SGCD: variants seen among roughly 807,000 people sequenced by gnomAD.
The protein encoded by SGCD is delta-sarcoglycan.
SGCD carries 18 observed loss-of-function variants against 36.6 expected under a neutral mutation model. The observed-to-expected ratio is 0.49, with a 90% CI of 0.34 to 0.73. SGCD has a LOEUF of 0.73. Ranked by LOEUF, SGCD falls within the 30% of genes least tolerant of loss-of-function variation. The pLI is 0.01. For synonymous variants in SGCD, 133 were observed against 130.6 expected, an observed-to-expected ratio of 1.02 and a Z score of -0.12; for missense variants, 387 against 346.7, an observed-to-expected ratio of 1.12 and a Z score of -0.92.
At chr5:156,116,690 C>G (rs1405745458) in intron 1 of SGCD, among the ~76,000 whole-genome samples, 1 of 152,156 alleles carries the variant, frequency 6.6e-6, no homozygotes, top group Non-Finnish European at 1.5e-5. Context: ...AATCCATGCT[C>G]TATAATGTTA....
chr5:156,550,029 A>G (rs1758727028), intron 4 of SGCD, among the ~76,000 whole-genome samples: 1 of 152,220 alleles, frequency 6.6e-6, no homozygotes, highest in Non-Finnish European at 1.5e-5. Context: ...TACCATTATT[A>G]TACCAGTTTC....
chr5:156,329,461 G>T (rs1767964044), intron 1 of SGCD, 73 bp from the exon 2 acceptor site: 2 of 1,029,328 alleles, frequency 1.9e-6, no homozygotes, highest in South Asian at 2.7e-5. Flanking sequence ...ATTGCCTGAG[G>T]GTTCAGATTT....
In SGCD at chr5:156,595,172, C is replaced by T. The variant is rs935588392; in HGVS notation, c.502+121C>T. 8 of 1,189,198 alleles carry T rather than the reference C, an allele frequency of 6.7e-6. No individual in the cohort carries two copies. The East Asian group carries it at 1.8e-4, about 27-fold the overall frequency. The allele number at this position is 1,189,198 out of a possible 1,614,324, so 73.7% of individuals were successfully genotyped here. ...AATTCATATATCGAAATCCTAACTC[C>T]CAAGATAATGGTATTAGGAGGTGGA... On this transcript the variant is annotated intron_variant, in intron 6 of 8. Coordinates refer to ENST00000337851, the MANE Select transcript of SGCD (RefSeq NM_000337.6).
At chr5:156,236,836 G>A (rs1014079147) in intron 3 of SGCD, among the ~76,000 whole-genome samples, 1 of 150,160 alleles carries the variant, frequency 6.7e-6, no homozygotes, top group Non-Finnish European at 1.5e-5. Flanking sequence ...TGCTGAGCCA[G>A]ATTTTTTTTT....
At chr5:156,295,713 A>G (rs1321331614) in intron 3 of SGCD, among the ~76,000 whole-genome samples, 2 of 152,210 alleles carry the variant, frequency 1.3e-5, no homozygotes, top group African/African-American at 4.8e-5. Context: ...ATGTTTGACC[A>G]TGACCTGCTG....
At chr5:156,039,503 G>C (rs1759584405) in intron 1 of SGCD, among the ~76,000 whole-genome samples, 1 of 152,038 alleles carries the variant, frequency 6.6e-6, no homozygotes, top group Non-Finnish European at 1.5e-5. Context: ...TTTATGGCTG[G>C]ATTGCTAGGG....
chr5:155,744,646 T>C, the SGCD span, among the ~76,000 whole-genome samples: 1 of 152,188 alleles, frequency 6.6e-6, no homozygotes, highest in African/African-American at 2.4e-5. Flanking sequence ...AACAGCATTG[T>C]AGACACAGCT....
chr5:156,318,689 G>A (rs375607012), intron 3 of SGCD, among the ~76,000 whole-genome samples: 19 of 151,338 alleles, frequency 1.3e-4, no homozygotes, highest in East Asian at 7.8e-4. Flanking sequence ...TCTACCTCTC[G>A]GGTTCAAGTG....
chr5:155,962,824 C>T (rs10515733), intron 1 of SGCD, among the ~76,000 whole-genome samples: 35,588 of 152,054 alleles, frequency 0.23, 5,162 homozygotes, highest in South Asian at 0.38. Context: ...CACTGATTCC[C>T]GATAAAACCA....
chr5:156,216,504 G>A (rs948611356), intron 3 of SGCD, among the ~76,000 whole-genome samples: 9 of 152,152 alleles, frequency 5.9e-5, no homozygotes, highest in South Asian at 2.1e-4. Context: ...GTTTATGTAA[G>A]CATCTGTGTA....
the SGCD span, among the ~76,000 whole-genome samples, chr5:155,786,567 A>C: frequency 4.4e-3 from 669 of 152,258 alleles, 5 homozygotes; most frequent in African/African-American, 0.016. Flanking sequence ...TACTAAAGGG[A>C]AAGAGGTGCA....
At chr5:155,844,370 A>C in the SGCD span, among the ~76,000 whole-genome samples, 1 of 151,776 alleles carries the variant, frequency 6.6e-6, no homozygotes, top group Non-Finnish European at 1.5e-5. Context: ...AAGAGTAAAA[A>C]CTAATCCAGA....
intron 4 of SGCD, among the ~76,000 whole-genome samples, chr5:156,551,624 G>A (rs1758802519): frequency 6.6e-6 from 1 of 152,124 alleles, no homozygotes; most frequent in South Asian, 2.1e-4. Flanking sequence ...AGTGGGGGAG[G>A]AAAGGAAAAG....
chr5:156,200,159 A>G (rs560707966), intron 3 of SGCD, among the ~76,000 whole-genome samples: 48 of 152,252 alleles, frequency 3.2e-4, no homozygotes, highest in Non-Finnish European at 1.0e-4. Flanking sequence ...GCAGAAAGAG[A>G]GAAAACATCA....
intron 3 of SGCD, among the ~76,000 whole-genome samples, chr5:156,178,175 A>G (rs1406518479): frequency 6.6e-6 from 1 of 152,180 alleles, no homozygotes; most frequent in East Asian, 1.9e-4. Context: ...TACTGTTTCT[A>G]CTGAATGCAT....
chr5:155,841,045 G>A, the SGCD span, among the ~76,000 whole-genome samples: 1 of 122,724 alleles, frequency 8.1e-6, no homozygotes, highest in Admixed American at 9.1e-5. Context: ...CTGGGGCACT[G>A]GGGCACTGGG....
At position 156,329,538 on chromosome 5, in the gene SGCD, A is replaced by G; in HGVS notation, c.-39A>G. On this transcript the variant is annotated 5_prime_UTR_variant, in exon 2 of 9. Coordinates refer to ENST00000337851, the MANE Select transcript of SGCD (RefSeq NM_000337.6). ...ACCCATATTTGTTCCTTGCAGAGAC[A>G]TTACTGCCGGGAGTGTTGAGTGAAG... 1.2e-6 allele frequency: 2 copies of G among 1,611,570 alleles called. No individual in the cohort carries two copies. Among genetic ancestry groups the G allele is most frequent in the Non-Finnish European group, 1.7e-6 (2 of 1,177,826 alleles).
At chr5:156,306,574 C>T (rs556402028) in intron 3 of SGCD, among the ~76,000 whole-genome samples, 1 of 152,212 alleles carries the variant, frequency 6.6e-6, no homozygotes, top group Admixed American at 6.5e-5. Context: ...TCTGTCTCCC[C>T]CAAGCACACA....
At chr5:155,759,554 G>A in the SGCD span, among the ~76,000 whole-genome samples, 1 of 152,124 alleles carries the variant, frequency 6.6e-6, no homozygotes, top group African/African-American at 2.4e-5. Context: ...CTTTAAACAT[G>A]CACACTCCGC....
Sources: allele counts gnomAD v4.1 joint callset (sites outside exome capture counted in the v4.1 genomes callset), GRCh38; gene constraint gnomAD v4.1.1; transcripts MANE v1.5; gene names NCBI Gene and HGNC (gene_info 2026-07-23, HGNC 2026-07-21).